The following DPH6 variants were observed in gnomAD, a reference collection of about 807,000 sequenced individuals.
DPH6 encodes diphthamine biosynthesis 6.
Under a neutral mutation model 38.2 loss-of-function variants are expected in DPH6, and 33 were observed. The ratio of observed to expected loss-of-function variants is 0.86; its 90% CI spans 0.65 to 1.15. The LOEUF (loss-of-function observed/expected upper bound fraction) is 1.15, where lower values mean the gene tolerates loss of function less well. Ranked by LOEUF, DPH6 falls within the 50% of genes most tolerant of loss-of-function variation. The pLI is 0.00. For missense variants in DPH6, 325 were observed against 320.0 expected (o/e 1.02, Z -0.12); for synonymous variants, 108 against 103.0 (o/e 1.05, Z -0.30).
chr15:35,279,048 C>CA (rs71123126), intron 3 of DPH6, among the ~76,000 whole-genome samples: 29,641 of 70,662 alleles, frequency 0.42, 7,410 homozygotes, highest in Middle Eastern at 0.55. Flanking sequence ...GACTCTGTCT[C>CA]AAAAAAAAAA....
At chr15:35,316,343 A>T (rs1595475049) in intron 3 of DPH6, among the ~76,000 whole-genome samples, 1 of 152,296 alleles carries the variant, frequency 6.6e-6, no homozygotes, top group East Asian at 1.9e-4. Flanking sequence ...AAATTGTTTT[A>T]AAAAAGACAT....
intron 3 of DPH6, among the ~76,000 whole-genome samples, chr15:35,309,315 G>A (rs2052120691): frequency 6.6e-6 from 1 of 152,208 alleles, no homozygotes; most frequent in Non-Finnish European, 1.5e-5. Context: ...CAAAGGACAT[G>A]ATGAAGTAGG....
chr15:35,364,943 T>C (rs557989012), intron 3 of DPH6, among the ~76,000 whole-genome samples: 3 of 152,192 alleles, frequency 2.0e-5, no homozygotes, highest in East Asian at 3.9e-4. Context: ...TCTTAATTCT[T>C]TTATGTGTAT....
chr15:35,183,664 C>T, the DPH6 span, among the ~76,000 whole-genome samples: 1 of 152,116 alleles, frequency 6.6e-6, no homozygotes, highest in East Asian at 1.9e-4. Flanking sequence ...ATCTAACATT[C>T]AGTAGCATGA....
intron 3 of DPH6, among the ~76,000 whole-genome samples, chr15:35,360,759 G>A (rs962544180): frequency 6.6e-6 from 1 of 152,152 alleles, no homozygotes; most frequent in Non-Finnish European, 1.5e-5. Context: ...GTAGATTGGG[G>A]GCATAGATGG....
At chr15:35,425,506 T>G (rs547495958) in intron 5 of DPH6, among the ~76,000 whole-genome samples, 1 of 151,440 alleles carries the variant, frequency 6.6e-6, no homozygotes, top group East Asian at 1.9e-4. Context: ...TTTTTAAAGA[T>G]CAGAAGAAAT....
In DPH6 at chr15:35,495,718, T is replaced by C. The variant is rs180919586; in HGVS notation, c.313-40898A>G. On this transcript the variant is annotated intron_variant, in intron 3 of 8. Coordinates refer to ENST00000256538, the MANE Select transcript of DPH6 (RefSeq NM_080650.4). ...GCTCAAAATCCCAGCAGATTATTTT[T>C]GTAGAAACTGGCAACTTGATCCTAA... is the stretch of plus-strand genomic sequence containing the variant. Among the ~76,000 whole-genome samples the C allele has an allele frequency of 5.9e-5, 9 of 152,304 alleles. No homozygotes were observed. In the East Asian group the frequency reaches 1.7e-3, roughly 29 times the overall value.
Position 35,371,597 on chromosome 15 carries a change from A to G in DPH6, c.*553T>C, listed in dbSNP as rs2052713882. The G allele has an allele frequency of 1.0e-6, 1 of 982,664 alleles. No individual in the cohort carries two copies. The highest frequency in any genetic ancestry group is 6.2e-5 in the Admixed American group (1 of 16,214). 60.9% of individuals were successfully genotyped at this position (982,664 alleles called of 1,614,324 possible). The stretch of plus-strand genomic sequence containing the variant: ...ACTGAAAAACAGCATTTTAAAAATC[A>G]GTTATAAAATAACTTGTAAGAGTTA... On this transcript the variant is annotated 3_prime_UTR_variant, in exon 9 of 9. Coordinates refer to ENST00000256538, the MANE Select transcript of DPH6 (RefSeq NM_080650.4).
downstream of DPH6, among the ~76,000 whole-genome samples, chr15:35,215,212 T>C (rs2051404923): frequency 1.3e-5 from 2 of 152,208 alleles, no homozygotes; most frequent in Non-Finnish European, 2.9e-5. Context: ...TGGTAGAGAA[T>C]GTCAGAGTCA....
chr15:35,391,254 T>C (rs1044550670), intron 6 of DPH6, among the ~76,000 whole-genome samples: 4 of 152,266 alleles, frequency 2.6e-5, no homozygotes, highest in African/African-American at 9.6e-5. Flanking sequence ...CCGCCCCTAC[T>C]GGGGGGTGCC....
chr15:35,357,308 C>A (rs1036072546), intron 3 of DPH6, among the ~76,000 whole-genome samples: 25 of 152,242 alleles, frequency 1.6e-4, no homozygotes, highest in African/African-American at 5.8e-4. Flanking sequence ...CTGTCCGACA[C>A]TCCCCAGTGA....
intron 3 of DPH6, among the ~76,000 whole-genome samples, chr15:35,477,139 T>C (rs1388948329): frequency 7.2e-5 from 11 of 151,838 alleles, no homozygotes; most frequent in Non-Finnish European, 1.6e-4. Flanking sequence ...CCTATGCATA[T>C]CATTAATGAA....
intron 4 of DPH6, among the ~76,000 whole-genome samples, chr15:35,452,522 A>G (rs1353402134): frequency 6.6e-6 from 1 of 152,112 alleles, no homozygotes; most frequent in Admixed American, 6.5e-5. Context: ...AGAGATCCCA[A>G]TACTTATTAA....
Position 35,378,625 on chromosome 15 carries a change from A to G in DPH6, c.662+3197T>C, listed in dbSNP as rs189608704. Among the ~76,000 whole-genome samples the G allele has an allele frequency of 3.2e-4, 49 of 152,344 alleles. 1 individual carries two copies. In the East Asian group the frequency reaches 8.7e-3, roughly 27 times the overall value. ...GATAAAGAAAATGTGGCACATATAC[A>G]TCATGGAATACTATGCAGCCAGAAA... On this transcript the variant is annotated intron_variant, in intron 7 of 8. Transcript: ENST00000256538.
rs527682450 is a variant in DPH6 at position 35,391,625 on chromosome 15, G to A, written c.568-9709C>T. On this transcript the variant is annotated intron_variant, in intron 6 of 8. Coordinates refer to ENST00000256538, the MANE Select transcript of DPH6 (RefSeq NM_080650.4). ...TAGCAGTAAGCGAGGCTCCGTGGGC[G>A]TAGGACCCTCCGAACCAGGTGTGGG... Among the ~76,000 whole-genome samples, 247 of 152,310 alleles carry A rather than the reference G, an allele frequency of 1.6e-3. 1 individual carries two copies. The highest frequency in any genetic ancestry group is 5.5e-3 in the African/African-American group (230 of 41,588).
At position 35,387,432 on chromosome 15, in the gene DPH6, C is replaced by G. The variant is rs570174278; in HGVS notation, c.568-5516G>C. On this transcript the variant is annotated intron_variant, in intron 6 of 8. Transcript: ENST00000256538. ...CATTGAATCTATAAATTACCTTGGGCAGTATGGCCATTTTCACGATATTGA... is the reference window on the plus strand; with the variant it reads ...CATTGAATCTATAAATTACCTTGGGGAGTATGGCCATTTTCACGATATTGA... 2.0e-5 allele frequency among the ~76,000 whole-genome samples: 3 copies of G among 152,282 alleles called. No homozygotes were observed. In the South Asian group the frequency reaches 6.2e-4, roughly 32 times the overall value.
At chr15:35,546,015 A>G (rs959367948) in intron 1 of DPH6, 104 bp downstream of exon 1, 28 of 1,081,560 alleles carry the variant, frequency 2.6e-5, no homozygotes, top group South Asian at 3.3e-5. Context: ...GGAACCCCCA[A>G]CGCGCGACTC....
chr15:35,496,232 A>G (rs1467237502), intron 3 of DPH6, among the ~76,000 whole-genome samples: 2 of 152,086 alleles, frequency 1.3e-5, no homozygotes, highest in African/African-American at 4.8e-5. Flanking sequence ...TTTACAATAC[A>G]CGTATCTGAA....
chr15:35,441,045 A>G (rs975830467), intron 5 of DPH6, among the ~76,000 whole-genome samples: 1 of 152,170 alleles, frequency 6.6e-6, no homozygotes, highest in African/African-American at 2.4e-5. Context: ...GCCAACAAAC[A>G]TATATATGAA....
Sources: allele counts gnomAD v4.1 joint callset (sites outside exome capture counted in the v4.1 genomes callset), GRCh38; gene constraint gnomAD v4.1.1; transcripts MANE v1.5; gene names NCBI Gene and HGNC (gene_info 2026-07-23, HGNC 2026-07-21).